TOX2: variants seen among roughly 807,000 people sequenced by gnomAD.
TOX2 encodes the protein granulosa cell HMG box 1.
TOX2 carries 15 observed loss-of-function variants against 47.4 expected under a neutral mutation model. The ratio of observed to expected loss-of-function variants is 0.32; its 90% CI spans 0.21 to 0.49. The LOEUF (loss-of-function observed/expected upper bound fraction) is 0.49. Among genes scored for constraint, TOX2 ranks in the 20% least tolerant of loss-of-function variants. The probability of loss-of-function intolerance (pLI) is 0.99; values close to 1 mark genes in which losing one functional copy is unlikely to be tolerated. For synonymous variants in TOX2, 290 were observed against 296.6 expected, an observed-to-expected ratio of 0.98 and a Z score of 0.23; for missense variants, 622 against 673.1, an observed-to-expected ratio of 0.92 and a Z score of 0.84.
intron 7 of TOX2, 73 bp from the exon 8 acceptor site, chr20:44,066,657 A>C: frequency 6.2e-7 from 1 of 1,610,258 alleles, no homozygotes; most frequent in Non-Finnish European, 8.5e-7. Flanking sequence ...ATGGGCTCTC[A>C]CCCCGGGAGG....
intron 8 of TOX2, among the ~76,000 whole-genome samples, chr20:44,068,108 T>A (rs561428786): frequency 6.6e-6 from 1 of 152,134 alleles, no homozygotes; most frequent in South Asian, 2.1e-4. Context: ...AAGAATCCCT[T>A]CCCTGCACCC....
intron 8 of TOX2, 28 bp from the exon 9 acceptor site, chr20:44,068,622 C>T: frequency 6.2e-7 from 1 of 1,603,592 alleles, no homozygotes; most frequent in Non-Finnish European, 8.5e-7. Context: ...TACCCAACAG[C>T]TTTGACAGCC....
chr20:44,052,520 G>T (rs1388680415), intron 4 of TOX2, among the ~76,000 whole-genome samples: 2 of 152,140 alleles, frequency 1.3e-5, no homozygotes, highest in East Asian at 3.8e-4. Flanking sequence ...GGGAAGAGGG[G>T]TTTACTTCTG....
rs546423391 is a variant in TOX2, at chr20:43,916,236, G to A, written c.99+1246G>A. The stretch of plus-strand genomic sequence containing the variant: ...GAGTGCGCGTCCAGTGGCTGGATCG[G>A]CGCCCCCCAGGGTCTCTCCCCAACC... On this transcript the variant is annotated intron_variant, in intron 1 of 8. Transcript: ENST00000341197. This position sits in a 1 kb window ranked among gnomAD's most constrained non-coding sequence, Gnocchi z 5.0. 2 of 985,314 alleles carry A rather than the reference G, an allele frequency of 2.0e-6. No homozygotes were observed. 61.0% of individuals were successfully genotyped at this position (985,314 alleles called of 1,614,324 possible).
chr20:44,066,013 T>C lies in TOX2; in HGVS notation c.1262T>C (p.Val421Ala). Residue 421 changes from valine (V) to alanine (A), a missense_variant, in exon 7 of 9, where the codon GTT becomes GCT. By Grantham distance (64) the Val-to-Ala change is moderately conservative (BLOSUM62 0). Coordinates refer to ENST00000341197, the MANE Select transcript of TOX2 (RefSeq NM_001098797.2). ...HAQGALLSPP[V>A]SMSPAPQPPV... ...CAGGGCGCCCTCCTCAGTCCACCTG[T>C]TAGCATGTCCCCAGCCCCCCAGCCC... 1.2e-6 allele frequency: 2 copies of C among 1,611,774 alleles called. No individual in the cohort carries two copies. Among genetic ancestry groups the C allele is most frequent in the Non-Finnish European group, 1.7e-6 (2 of 1,179,444 alleles).
In TOX2 at chr20:43,955,202, A is replaced by G. The variant is rs185212972; in HGVS notation, c.100-18165A>G. 8 of 984,578 alleles carry G rather than the reference A, an allele frequency of 8.1e-6. No homozygotes were observed. The Admixed American group carries it at 2.5e-4, about 30-fold the overall frequency. 61.0% of individuals were successfully genotyped at this position (984,578 alleles called of 1,614,324 possible). A position where few individuals can be genotyped will look rare whatever the true frequency, so the allele number is the denominator to read the frequency against. On this transcript the variant is annotated intron_variant, in intron 1 of 8. Coordinates refer to ENST00000341197, the MANE Select transcript of TOX2 (RefSeq NM_001098797.2). ...GCATAATTTGCAGAATTTGCACTTC[A>G]TTACTTTTCTGAAATTCAAACAAAT...
chr20:43,956,578 A>G (rs995465846), intron 1 of TOX2, among the ~76,000 whole-genome samples: 1 of 142,288 alleles, frequency 7.0e-6, no homozygotes, highest in African/African-American at 2.8e-5. Context: ...AAAAAAAAAA[A>G]AAAGACTGTT....
At position 44,054,259 on chromosome 20, in the gene TOX2, T is replaced by C. The variant is rs1286519720; in HGVS notation, c.652-40T>C. On this transcript the variant is annotated intron_variant, in intron 4 of 8. Transcript: ENST00000341197. ...GTTGATCGCCTTTGGCAGGAGGCCC[T>C]TGGGCTTCTTTGGTTTTCTGACTCT... 3.8e-6 allele frequency: 6 copies of C among 1,566,668 alleles called. No homozygotes were observed. The Admixed American group carries it at 7.6e-5, about 20-fold the overall frequency.
At chr20:44,026,082 T>C (rs2071057000) in intron 3 of TOX2, among the ~76,000 whole-genome samples, 1 of 151,780 alleles carries the variant, frequency 6.6e-6, no homozygotes. Flanking sequence ...CTTGAACGGC[T>C]GTACCTGATT....
At chr20:44,014,019 A>G (rs1357380755) in intron 3 of TOX2, among the ~76,000 whole-genome samples, 1 of 150,578 alleles carries the variant, frequency 6.6e-6, no homozygotes, top group South Asian at 2.1e-4. Flanking sequence ...GGTCCTAGCT[A>G]CTCGGGAAGC....
intron 1 of TOX2, among the ~76,000 whole-genome samples, chr20:43,923,820 C>A (rs966629508): frequency 1.3e-5 from 2 of 152,108 alleles, no homozygotes; most frequent in African/African-American, 4.8e-5. Context: ...GGAAGGGGTG[C>A]ACCTGCAGGG....
chr20:44,022,961 G>A (rs567877735), intron 3 of TOX2, among the ~76,000 whole-genome samples: 11 of 151,694 alleles, frequency 7.3e-5, no homozygotes, highest in East Asian at 5.8e-4. Context: ...GGCACCAGAC[G>A]GGATTAGATA....
At chr20:44,006,857 A>G (rs2070693064) in intron 3 of TOX2, 65 bp downstream of exon 3, 1 of 1,547,494 alleles carries the variant, frequency 6.5e-7, no homozygotes, top group African/African-American at 1.4e-5. Context: ...AGAGGGAAGC[A>G]GAAGAATGTT....
intron 1 of TOX2, among the ~76,000 whole-genome samples, chr20:43,924,602 G>A (rs1321870196): frequency 2.0e-5 from 3 of 152,180 alleles, no homozygotes; most frequent in African/African-American, 7.2e-5. Flanking sequence ...CAGTGTTTCT[G>A]GCTTTGCCTT....
chr20:44,001,639 A>G (rs1046493048), intron 2 of TOX2, among the ~76,000 whole-genome samples: 4 of 151,950 alleles, frequency 2.6e-5, no homozygotes, highest in African/African-American at 4.9e-5. Context: ...ACTGAAAGGA[A>G]TGGACTTGAG....
At chr20:44,061,318 A>T (rs555017101) in intron 5 of TOX2, among the ~76,000 whole-genome samples, 1 of 152,212 alleles carries the variant, frequency 6.6e-6, no homozygotes, top group East Asian at 1.9e-4. Flanking sequence ...TATTCCACAA[A>T]ATAAAGAGGG....
chr20:44,014,979 G>A (rs535542976), intron 3 of TOX2, among the ~76,000 whole-genome samples: 2 of 152,210 alleles, frequency 1.3e-5, no homozygotes, highest in Non-Finnish European at 2.9e-5. Flanking sequence ...AGAAAGCGGG[G>A]GCCCAAGACG....
chr20:43,966,523 C>T (rs538803972), intron 1 of TOX2, among the ~76,000 whole-genome samples: 6 of 151,772 alleles, frequency 4.0e-5, no homozygotes, highest in South Asian at 2.1e-4. Flanking sequence ...TTTGGGAGGC[C>T]GAGGCAGGCA....
chr20:44,036,507 T>C (rs733748), intron 3 of TOX2, among the ~76,000 whole-genome samples: 175 of 152,248 alleles, frequency 1.1e-3, no homozygotes, highest in African/African-American at 3.9e-3. Context: ...GAGTAAGAAG[T>C]AACTGGTCAA....
Sources: allele counts gnomAD v4.1 joint callset (sites outside exome capture counted in the v4.1 genomes callset), GRCh38; gene constraint gnomAD v4.1.1; non-coding constraint Gnocchi (gnomAD v3.1); transcripts MANE v1.5; gene names NCBI Gene and HGNC (gene_info 2026-07-23, HGNC 2026-07-21).